The following PAPPA2 variants were observed in gnomAD, a reference collection of about 807,000 sequenced individuals.
PAPPA2 encodes pappalysin-2.
Under a neutral mutation model 176.4 loss-of-function variants are expected in PAPPA2, and 86 were observed. The ratio of observed to expected loss-of-function variants is 0.49; its 90% confidence interval spans 0.41 to 0.58. PAPPA2 has a LOEUF of 0.58. PAPPA2 is among the 20% of genes least tolerant of loss of function. The pLI is 0.00. For synonymous variants in PAPPA2, 809 were observed against 852.2 expected (o/e 0.95, Z 0.88); for missense variants, 2,073 against 2,256.9 (o/e 0.92, Z 1.65).
intron 2 of PAPPA2, among the ~76,000 whole-genome samples, chr1:176,558,839 C>T (rs2102594681): frequency 6.6e-6 from 1 of 152,156 alleles, no homozygotes; most frequent in South Asian, 2.1e-4. Flanking sequence ...CTTGCAGTAG[C>T]AACATAAAGA....
chr1:176,562,927 T>A (rs1651756871), intron 2 of PAPPA2, among the ~76,000 whole-genome samples: 1 of 152,216 alleles, frequency 6.6e-6, no homozygotes. Flanking sequence ...CCCTCATCCC[T>A]ATGGGAAAGT....
At chr1:176,496,535 C>G (rs1045748624) in intron 1 of PAPPA2, among the ~76,000 whole-genome samples, 2 of 152,066 alleles carry the variant, frequency 1.3e-5, no homozygotes, top group Non-Finnish European at 2.9e-5. Flanking sequence ...GGCTCAGCAA[C>G]AGGCCTGTTT....
chr1:176,470,118 A>G (rs949395297), intron 1 of PAPPA2, among the ~76,000 whole-genome samples: 1 of 152,208 alleles, frequency 6.6e-6, no homozygotes, highest in Non-Finnish European at 1.5e-5. Context: ...ACAGAAATTC[A>G]CACTAATATG....
intron 3 of PAPPA2, among the ~76,000 whole-genome samples, chr1:176,632,220 TTAG>T (rs1260529683): frequency 6.9e-6 from 1 of 145,556 alleles, no homozygotes; most frequent in African/African-American, 2.7e-5. Context: ...AGACCAATAA[TTAG>T]TAGTGATGTG....
chr1:176,593,498 G>T (rs186512137), intron 2 of PAPPA2, among the ~76,000 whole-genome samples: 160 of 152,304 alleles, frequency 1.1e-3, no homozygotes, highest in African/African-American at 3.6e-3. Flanking sequence ...ATTCCTGAGA[G>T]ACTATGTACT....
chr1:176,710,234 C>T, intron 11 of PAPPA2, 58 bp downstream of exon 11: 1 of 1,465,206 alleles, frequency 6.8e-7, no homozygotes, highest in Non-Finnish European at 9.4e-7. Flanking sequence ...GTGACTCCCC[C>T]TATGCTTACA....
chr1:176,677,690 T>A (rs1659373957), intron 4 of PAPPA2, among the ~76,000 whole-genome samples: 1 of 152,086 alleles, frequency 6.6e-6, no homozygotes, highest in Non-Finnish European at 1.5e-5. Flanking sequence ...TTGGATACCT[T>A]ACTCATTGGA....
At chr1:176,702,282 T>C (rs752147732) in intron 8 of PAPPA2, among the ~76,000 whole-genome samples, 2 of 152,240 alleles carry the variant, frequency 1.3e-5, no homozygotes, top group Non-Finnish European at 1.5e-5. Context: ...TAAATAGTTT[T>C]GTTTTGTTTT....
At chr1:176,579,776 T>C (rs1374604428) in intron 2 of PAPPA2, among the ~76,000 whole-genome samples, 1 of 152,216 alleles carries the variant, frequency 6.6e-6, no homozygotes, top group Admixed American at 6.5e-5. Flanking sequence ...GTGGATGACT[T>C]GCTCAACTTC....
At chr1:176,819,740 T>C (rs1372398114) in intron 21 of PAPPA2, among the ~76,000 whole-genome samples, 1 of 152,206 alleles carries the variant, frequency 6.6e-6, no homozygotes, top group Non-Finnish European at 1.5e-5. Flanking sequence ...CTTTGAGTCC[T>C]GACCAAGGAA....
intron 1 of PAPPA2, among the ~76,000 whole-genome samples, chr1:176,555,000 TGAGA>T (rs59521055): frequency 0.5 from 72,178 of 145,212 alleles, 20,039 homozygotes; most frequent in East Asian, 0.84. Context: ...TGTGTGTGTG[TGAGA>T]GAGAGAGAGA....
chr1:176,545,649 T>C (rs1650598207), intron 1 of PAPPA2, among the ~76,000 whole-genome samples: 1 of 152,276 alleles, frequency 6.6e-6, no homozygotes, highest in African/African-American at 2.4e-5. Context: ...TATAAGGGAC[T>C]TGAGCATCCT....
intron 14 of PAPPA2, among the ~76,000 whole-genome samples, chr1:176,757,494 A>C (rs575438243): frequency 6.6e-6 from 1 of 152,336 alleles, no homozygotes; most frequent in South Asian, 2.1e-4. Context: ...TGTTGGCTGC[A>C]TAAATGTCTT....
Position 176,788,583 on chromosome 1 carries a change from T to C in PAPPA2, c.4716-1226T>C, listed in dbSNP as rs140355399. Among the ~76,000 whole-genome samples the C allele has an allele frequency of 9.2e-3, 1,400 of 152,242 alleles. 12 individuals carry two copies. Among genetic ancestry groups the C allele is most frequent in the Non-Finnish European group, 0.016 (1,087 of 68,012 alleles). ...GAAGTGGATATGTTAAAATGGCAAATGGAAAGCACTTTCAAACTGCAGTGA... is the reference window on the plus strand; with the variant it reads ...GAAGTGGATATGTTAAAATGGCAAACGGAAAGCACTTTCAAACTGCAGTGA... On this transcript the variant is annotated intron_variant, in intron 17 of 22. Transcript: ENST00000367662.
chr1:176,788,209 A>T (rs759591793), intron 17 of PAPPA2, among the ~76,000 whole-genome samples: 15 of 152,246 alleles, frequency 9.9e-5, no homozygotes, highest in Non-Finnish European at 1.9e-4. Flanking sequence ...CTTAATGCCG[A>T]ATATAAACCA....
intron 2 of PAPPA2, among the ~76,000 whole-genome samples, chr1:176,569,681 G>A (rs1189773987): frequency 2.6e-5 from 4 of 152,172 alleles, no homozygotes; most frequent in African/African-American, 7.2e-5. Context: ...AAGCTGTCTG[G>A]GGTCAGAGGC....
At chr1:176,759,364 A>C (rs776432437) in intron 14 of PAPPA2, among the ~76,000 whole-genome samples, 3 of 152,126 alleles carry the variant, frequency 2.0e-5, no homozygotes, top group Non-Finnish European at 4.4e-5. Context: ...ATTATCTTTC[A>C]GATCTGTTTC....
Position 176,825,627 on chromosome 1 carries a change from A to G in PAPPA2, c.5203-14546A>G, listed in dbSNP as rs550242379. On this transcript the variant is annotated intron_variant, in intron 21 of 22. Coordinates refer to ENST00000367662, the MANE Select transcript of PAPPA2 (RefSeq NM_020318.3). ...AGGAGAGACTAGGAGACTCAAGACA[A>G]ACTTAGATAGAGCATTGCTGCTATA... 4.6e-5 allele frequency among the ~76,000 whole-genome samples: 7 copies of G among 152,330 alleles called. 1 individual carries two copies. The highest frequency in any genetic ancestry group is 1.3e-4 in the Admixed American group (2 of 15,306).
At chr1:176,528,324 T>C (rs894898548) in intron 1 of PAPPA2, among the ~76,000 whole-genome samples, 5 of 152,172 alleles carry the variant, frequency 3.3e-5, no homozygotes, top group African/African-American at 1.2e-4. Context: ...CCCTTACACA[T>C]GATAGAGAAT....
Sources: gnomAD v4.1 joint callset for allele counts (sites outside exome capture counted in the v4.1 genomes callset) on GRCh38, gnomAD v4.1.1 for gene constraint, MANE v1.5 for transcripts, NCBI Gene and HGNC (gene_info 2026-07-23, HGNC 2026-07-21) for gene names.